Variants in MTHFD2 observed in about 807,000 individuals in gnomAD.
MTHFD2 encodes methylenetetrahydrofolate dehydrogenase (NADP+ dependent) 2, methenyltetrahydrofolate cyclohydrolase.
Under a neutral mutation model 36.8 loss-of-function variants are expected in MTHFD2, and 26 were observed. The observed-to-expected ratio is 0.71, with a 90% CI of 0.52 to 0.98. MTHFD2 has a LOEUF of 0.98. MTHFD2 is among the 50% of genes least tolerant of loss of function. The pLI is 0.00. For missense variants in MTHFD2, 373 were observed against 434.0 expected, an observed-to-expected ratio of 0.86 and a Z score of 1.25; for synonymous variants, 164 against 155.2, an observed-to-expected ratio of 1.06 and a Z score of -0.42.
rs1202779069 is a variant in MTHFD2, at chr2:74,211,252, A to T, written c.724A>T (p.Lys242Ter). Residue 242 changes from lysine (K) to a stop codon, truncating the protein, a stop_gained, in exon 6 of 8, where the codon AAA becomes TAA. Transcript: ENST00000394053. LOFTEE classifies it high-confidence loss of function. ...HRYTPKEQLK[K>*]HTILADIVIS... Reference sequence around the variant, plus strand: ...ATATACTCCCAAAGAGCAGTTGAAGAAACATACAATTCTTGCAGATATTGT... The same window carrying T: ...ATATACTCCCAAAGAGCAGTTGAAGTAACATACAATTCTTGCAGATATTGT... The T allele has an allele frequency of 6.2e-7, 1 of 1,609,868 alleles. No homozygotes were observed. Among genetic ancestry groups the T allele is most frequent in the South Asian group, 1.1e-5 (1 of 90,788 alleles).
chr2:74,207,947 C>A, intron 3 of MTHFD2, 121 bp downstream of exon 3: 1 of 1,061,488 alleles, frequency 9.4e-7, no homozygotes, highest in South Asian at 1.7e-5. Context: ...CTCACTCTGT[C>A]ACCCAGGCTA....
chr2:74,207,976 A>G, intron 3 of MTHFD2, 150 bp downstream of exon 3: 1 of 803,040 alleles, frequency 1.2e-6, no homozygotes, highest in Middle Eastern at 2.6e-4. Context: ...TGGTACAATC[A>G]TAGCTCATTG....
At chr2:74,213,219 TAAGA>T (rs1382639318) in intron 7 of MTHFD2, among the ~76,000 whole-genome samples, 1 of 151,428 alleles carries the variant, frequency 6.6e-6, no homozygotes, top group South Asian at 2.1e-4. Flanking sequence ...TTTCAGTTCT[TAAGA>T]TAGAATGTTT....
rs1380187382 is a variant in MTHFD2 at position 74,214,402 on chromosome 2, C to G, written c.*160C>G. On this transcript the variant is annotated 3_prime_UTR_variant, in exon 8 of 8. Transcript: ENST00000394053. ...AATGGGTGGGTGTTTCTGCACATACCTCTGCAGTACCTCACCAGGGAGCAT... is the reference window on the plus strand; with the variant it reads ...AATGGGTGGGTGTTTCTGCACATACGTCTGCAGTACCTCACCAGGGAGCAT... 1.5e-6 allele frequency: 1 copy of G among 688,880 alleles called. No individual in the cohort carries two copies. The highest frequency in any genetic ancestry group is 2.3e-6 in the Non-Finnish European group (1 of 436,386). 42.7% of individuals were successfully genotyped at this position (688,880 alleles called of 1,614,324 possible).
intron 1 of MTHFD2, among the ~76,000 whole-genome samples, chr2:74,202,854 C>A (rs937052372): frequency 6.6e-6 from 1 of 151,970 alleles, no homozygotes; most frequent in African/African-American, 2.4e-5. Context: ...AAGTCCTCTT[C>A]GACTCTAATT....
Position 74,214,367 on chromosome 2 carries a change from T to A in MTHFD2, c.*125T>A, listed in dbSNP as rs1694383266. 1 of 1,154,244 alleles carries A rather than the reference T, an allele frequency of 8.7e-7. No homozygotes were observed. The highest frequency in any genetic ancestry group is 1.2e-6 in the Non-Finnish European group (1 of 831,076). The allele number at this position is 1,154,244 out of a possible 1,614,324, so 71.5% of individuals were successfully genotyped here. ...GTTTAAAATGATGCCTTGTATTTAT[T>A]GAAAGCTTAAATGGGTGGGTGTTTC... On this transcript the variant is annotated 3_prime_UTR_variant, in exon 8 of 8. Coordinates refer to ENST00000394053, the MANE Select transcript of MTHFD2 (RefSeq NM_006636.4).
chr2:74,208,422 T>A (rs938419721), intron 3 of MTHFD2, 147 bp from the exon 4 acceptor site: 1 of 884,762 alleles, frequency 1.1e-6, no homozygotes, highest in Non-Finnish European at 1.8e-6. Context: ...TTGGCTTTGC[T>A]TATGCGAGTT....
chr2:74,213,978 G>A (rs1355909469), intron 7 of MTHFD2, 101 bp from the exon 8 acceptor site: 3 of 1,295,640 alleles, frequency 2.3e-6, no homozygotes, highest in African/African-American at 3.0e-5. Context: ...TTATGCTTAT[G>A]TATGTTACTT....
Position 74,211,301 on chromosome 2 carries a change from C to T in MTHFD2, c.763+10C>T. 6.4e-7 allele frequency: 1 copy of T among 1,555,586 alleles called. No homozygotes were observed. Among genetic ancestry groups the T allele is most frequent in the Non-Finnish European group, 8.8e-7 (1 of 1,129,972 alleles). ...GTAATATCTGCTGCAGGTAAGAACA[C>T]AAGGGGGATGGAGGGAAGGACTTCA... On this transcript the variant is annotated intron_variant, in intron 6 of 7. Transcript: ENST00000394053.
intron 1 of MTHFD2, among the ~76,000 whole-genome samples, chr2:74,205,503 C>A (rs1039754031): frequency 6.6e-6 from 1 of 151,852 alleles, no homozygotes. Context: ...TGGATATATT[C>A]ATTCATTTAT....
intron 1 of MTHFD2, among the ~76,000 whole-genome samples, chr2:74,200,481 G>A (rs1694017638): frequency 6.7e-6 from 1 of 149,656 alleles, no homozygotes; most frequent in African/African-American, 2.5e-5. Flanking sequence ...TTAAAATACT[G>A]TTTATTTTTA....
chr2:74,202,050 C>G (rs570551246), intron 1 of MTHFD2, among the ~76,000 whole-genome samples: 10 of 151,916 alleles, frequency 6.6e-5, no homozygotes, highest in African/African-American at 2.4e-4. Flanking sequence ...TCCCAGAACC[C>G]TGTGTCCTTA....
At position 74,214,583 on chromosome 2, in the gene MTHFD2, A is replaced by G. The variant is rs114602496; in HGVS notation, c.*341A>G. On this transcript the variant is annotated 3_prime_UTR_variant, in exon 8 of 8. Coordinates refer to ENST00000394053, the MANE Select transcript of MTHFD2 (RefSeq NM_006636.4). ...TCTAGGATTGCATTTCCCAAGTGCT[A>G]TTGCAATAACAGTTGATACTCATTT... is the stretch of plus-strand genomic sequence containing the variant. The G allele has an allele frequency of 5.1e-3, 828 of 160,956 alleles. 8 individuals are homozygous for G. Among genetic ancestry groups the G allele is most frequent in the African/African-American group, 0.019 (778 of 41,808 alleles). 10.0% of individuals were successfully genotyped at this position (160,956 alleles called of 1,614,324 possible). A position where few individuals can be genotyped will look rare whatever the true frequency, so the allele number is the denominator to read the frequency against.
intron 1 of MTHFD2, among the ~76,000 whole-genome samples, chr2:74,199,676 C>T (rs1693996691): frequency 1.3e-5 from 2 of 149,826 alleles, no homozygotes; most frequent in Non-Finnish European, 3.0e-5. Context: ...CCACTGCCCT[C>T]CAGTCTGGGC....
At chr2:74,208,389 G>A (rs1398096594) in intron 3 of MTHFD2, among the ~76,000 whole-genome samples, 180 bp from the exon 4 acceptor site, 1 of 152,218 alleles carries the variant, frequency 6.6e-6, no homozygotes, top group African/African-American at 2.4e-5. Context: ...TGTGATAGAC[G>A]ATATTGGCTT....
chr2:74,206,156 AGGT>A, intron 2 of MTHFD2: 1 of 290,320 alleles, frequency 3.4e-6, no homozygotes, highest in South Asian at 6.2e-5. Context: ...TATATTTGAT[AGGT>A]GACCCTGAAT....
intron 2 of MTHFD2, among the ~76,000 whole-genome samples, chr2:74,206,935 C>T (rs1287137224): frequency 1.3e-5 from 2 of 151,930 alleles, no homozygotes; most frequent in Admixed American, 6.6e-5. Context: ...GTCGAACTCC[C>T]GACCTTAGGT....
In MTHFD2 at chr2:74,210,036, T is replaced by C. The variant is rs537251581; in HGVS notation, c.657T>C (p.His219=). ...IAMLLHTDGA[H]ERPGGDATVT... is the part of the protein sequence containing the mutation. ...TGTTACTGCACACAGATGGGGCGCA[T>C]GAACGTCCCGGAGGTAAGGAAATTG... Residue 219 remains histidine (H), a synonymous_variant, in exon 5 of 8, where the codon CAT becomes CAC. Transcript: ENST00000394053. 38 of 1,613,036 alleles carry C rather than the reference T, an allele frequency of 2.4e-5. No individual in the cohort carries two copies. The highest frequency in any genetic ancestry group is 1.2e-4 in the South Asian group (11 of 90,884).
intron 7 of MTHFD2, among the ~76,000 whole-genome samples, chr2:74,212,619 T>G (rs1291040587): frequency 6.6e-6 from 1 of 152,186 alleles, no homozygotes; most frequent in Non-Finnish European, 1.5e-5. Flanking sequence ...TTATGGCTTT[T>G]CTAGAATTAT....
Sources: allele counts gnomAD v4.1 joint callset (sites outside exome capture counted in the v4.1 genomes callset), GRCh38; gene constraint gnomAD v4.1.1; transcripts MANE v1.5; gene names NCBI Gene and HGNC (gene_info 2026-07-23, HGNC 2026-07-21).